The following DIAPH3 variants were observed in gnomAD, a reference collection of about 807,000 sequenced individuals.
DIAPH3 encodes the protein diaphanous related formin 3, also known as protein diaphanous homolog 3.
A neutral mutation model predicts 144.3 loss-of-function variants in DIAPH3; 117 were observed. The ratio of observed to expected loss-of-function variants is 0.81; its 90% CI spans 0.70 to 0.95. The LOEUF (loss-of-function observed/expected upper bound fraction) is 0.95, where lower values mean the gene tolerates loss of function less well. DIAPH3 is among the 40% of genes least tolerant of loss of function. DIAPH3 has a pLI of 0.00. For synonymous variants in DIAPH3, 519 were observed against 488.9 expected (o/e 1.06, Z -0.81); for missense variants, 1,421 against 1,412.7 (o/e 1.01, Z -0.09).
intron 25 of DIAPH3, among the ~76,000 whole-genome samples, chr13:59,780,859 G>A (rs942856529): frequency 1.3e-5 from 2 of 152,210 alleles, no homozygotes; most frequent in African/African-American, 4.8e-5. Context: ...GGGACCTCCA[G>A]TAACTTCTGG....
At chr13:59,681,168 GTT>G (rs2032924469) in intron 27 of DIAPH3, among the ~76,000 whole-genome samples, 1 of 152,060 alleles carries the variant, frequency 6.6e-6, no homozygotes, top group Admixed American at 6.6e-5. Context: ...CACATACTTT[GTT>G]AAAAAAACAA....
intron 24 of DIAPH3, 74 bp downstream of exon 24, chr13:59,833,033 G>T: frequency 1.8e-6 from 2 of 1,117,262 alleles, no homozygotes; most frequent in Non-Finnish European, 2.6e-6. Context: ...AACAAGAGTA[G>T]AACGATGTAA....
At chr13:59,965,011 G>A (rs143827606) in intron 17 of DIAPH3, among the ~76,000 whole-genome samples, 69 of 152,188 alleles carry the variant, frequency 4.5e-4, no homozygotes, top group African/African-American at 1.7e-3. Flanking sequence ...AGCCTTGTGA[G>A]GTAGTTTAAA....
intron 20 of DIAPH3, among the ~76,000 whole-genome samples, chr13:59,892,280 TG>T (rs1203439182): frequency 1.3e-5 from 2 of 151,604 alleles, no homozygotes; most frequent in African/African-American, 4.8e-5. Context: ...AAACCTAAAA[TG>T]AGAACAAGAA....
At chr13:59,861,636 A>C in intron 21 of DIAPH3, 100 bp from the exon 22 acceptor site, 1 of 1,298,630 alleles carries the variant, frequency 7.7e-7, no homozygotes, top group Non-Finnish European at 1.1e-6. Flanking sequence ...ATAAGGACTA[A>C]AAGTTGTAAA....
At chr13:60,026,863 T>G (rs950426254) in intron 5 of DIAPH3, among the ~76,000 whole-genome samples, 18 of 152,208 alleles carry the variant, frequency 1.2e-4, no homozygotes, top group Admixed American at 3.3e-4. Flanking sequence ...AAAAATATTT[T>G]TAATTACCCA....
chr13:59,756,633 T>C (rs12585298), intron 27 of DIAPH3, among the ~76,000 whole-genome samples: 51,975 of 151,824 alleles, frequency 0.34, 9,370 homozygotes, highest in African/African-American at 0.44. Context: ...GATGGCATCA[T>C]GTAGACTAAG....
intron 22 of DIAPH3, among the ~76,000 whole-genome samples, chr13:59,844,610 C>A (rs966465877): frequency 2.0e-5 from 3 of 151,932 alleles, no homozygotes; most frequent in African/African-American, 7.3e-5. Context: ...CTGTATGTGA[C>A]CTATGTGTGA....
intron 5 of DIAPH3, among the ~76,000 whole-genome samples, chr13:60,026,281 G>A (rs1354931391): frequency 6.6e-6 from 1 of 151,950 alleles, no homozygotes; most frequent in African/African-American, 2.4e-5. Flanking sequence ...TTGGGGAAAG[G>A]GGTACTTTTT....
intron 4 of DIAPH3, among the ~76,000 whole-genome samples, chr13:60,043,854 G>T (rs1044408256): frequency 1.3e-5 from 2 of 152,100 alleles, no homozygotes; most frequent in African/African-American, 4.8e-5. Context: ...CTGTAGAGAA[G>T]AATAAAAGCA....
chr13:59,678,226 A>G (rs2077741), intron 27 of DIAPH3, among the ~76,000 whole-genome samples: 21,566 of 152,114 alleles, frequency 0.14, 2,673 homozygotes, highest in African/African-American at 0.33. Context: ...ATAGCACAGC[A>G]GCATTATCTT....
intron 2 of DIAPH3, among the ~76,000 whole-genome samples, chr13:60,115,786 A>G (rs2058688675): frequency 6.6e-6 from 1 of 152,092 alleles, no homozygotes; most frequent in Admixed American, 6.5e-5. Context: ...GAGATTTCTA[A>G]CCAGTTTGTC....
At chr13:60,072,269 A>T (rs2057238043) in intron 4 of DIAPH3, among the ~76,000 whole-genome samples, 1 of 152,060 alleles carries the variant, frequency 6.6e-6, no homozygotes, top group African/African-American at 2.4e-5. Flanking sequence ...TCTCCACTGT[A>T]CCTATAGATG....
At chr13:60,055,389 ATT>A (rs2056515975) in intron 4 of DIAPH3, among the ~76,000 whole-genome samples, 1 of 152,060 alleles carries the variant, frequency 6.6e-6, no homozygotes, top group East Asian at 1.9e-4. Flanking sequence ...AGAGTTGATT[ATT>A]TAGACTATTT....
At chr13:59,759,614 A>G (rs774249191) in intron 27 of DIAPH3, among the ~76,000 whole-genome samples, 2 of 152,148 alleles carry the variant, frequency 1.3e-5, no homozygotes, top group Non-Finnish European at 2.9e-5. Context: ...AATGAAGAGT[A>G]ATAGGCGGTG....
At chr13:59,881,103 T>C (rs1425400472) in intron 20 of DIAPH3, among the ~76,000 whole-genome samples, 1 of 152,004 alleles carries the variant, frequency 6.6e-6, no homozygotes, top group Non-Finnish European at 1.5e-5. Flanking sequence ...TGGGCATGAA[T>C]TGTTCTTTTT....
At chr13:59,686,469 A>C (rs2033218556) in intron 27 of DIAPH3, among the ~76,000 whole-genome samples, 1 of 152,006 alleles carries the variant, frequency 6.6e-6, no homozygotes, top group Non-Finnish European at 1.5e-5. Context: ...GAGTACTCAG[A>C]GGTTCGAAAA....
chr13:60,124,289 G>A (rs1293839582), intron 2 of DIAPH3, among the ~76,000 whole-genome samples: 2 of 152,176 alleles, frequency 1.3e-5, no homozygotes, highest in African/African-American at 4.8e-5. Flanking sequence ...GAACTTTGAG[G>A]AGAACAAGGA....
In DIAPH3 at chr13:59,799,290, C is replaced by T. The variant is rs1160165112; in HGVS notation, c.3163+11498G>A. On this transcript the variant is annotated intron_variant, in intron 25 of 27. Transcript: ENST00000400324. ...GGTGGCCGAAGCTGGCTTCCTTCATCGAAGGAAGAAGGGAGATAAGAAGAG... is the reference window on the plus strand; with the variant it reads ...GGTGGCCGAAGCTGGCTTCCTTCATTGAAGGAAGAAGGGAGATAAGAAGAG... 8.0e-5 allele frequency among the ~76,000 whole-genome samples: 12 copies of T among 150,164 alleles called. No homozygotes were observed. In the East Asian group the frequency reaches 1.8e-3, roughly 22 times the overall value.
Sources: allele counts gnomAD v4.1 joint callset (sites outside exome capture counted in the v4.1 genomes callset), GRCh38; gene constraint gnomAD v4.1.1; transcripts MANE v1.5; gene names NCBI Gene and HGNC (gene_info 2026-07-23, HGNC 2026-07-21).